The following PRKG2 variants were observed in gnomAD, a reference collection of about 807,000 sequenced individuals.
The protein encoded by PRKG2 is cGMP-dependent protein kinase 2.
PRKG2 carries 33 observed loss-of-function variants against 97.2 expected under a neutral mutation model. The observed-to-expected ratio is 0.34, with a 90% CI of 0.26 to 0.45. PRKG2 has a LOEUF of 0.45. Among genes scored for constraint, PRKG2 ranks in the 20% least tolerant of loss-of-function variants. The pLI is 1.00. For missense variants in PRKG2, 638 were observed against 900.0 expected, an observed-to-expected ratio of 0.71 and a Z score of 3.73; for synonymous variants, 330 against 321.8, an observed-to-expected ratio of 1.03 and a Z score of -0.27.
At chr4:81,197,565 T>C (rs1434376288) in intron 2 of PRKG2, among the ~76,000 whole-genome samples, 2 of 152,148 alleles carry the variant, frequency 1.3e-5, no homozygotes, top group African/African-American at 4.8e-5. Flanking sequence ...TAGCCACTAC[T>C]AGTGATAACC....
intron 14 of PRKG2, among the ~76,000 whole-genome samples, chr4:81,129,963 C>T (rs1746003083): frequency 6.6e-6 from 1 of 152,170 alleles, no homozygotes; most frequent in Admixed American, 6.5e-5. Context: ...TTTGCAGTGG[C>T]TGGTACCAGT....
In PRKG2 at chr4:81,108,493, T is replaced by A. The variant is rs573648461; in HGVS notation, c.1940+1955A>T. Among the ~76,000 whole-genome samples, 188 of 151,638 alleles carry A rather than the reference T, an allele frequency of 1.2e-3. 2 individuals are homozygous for A. The South Asian group carries it at 0.021, about 17-fold the overall frequency. On this transcript the variant is annotated intron_variant, in intron 15 of 18. Transcript: ENST00000264399. ...ACACTATTGGTTTTTTTTTTTTTTT[T>A]AATTTTCATTTCCCTCCTATGCTCT...
intron 10 of PRKG2, among the ~76,000 whole-genome samples, chr4:81,143,588 C>T (rs971175590): frequency 6.6e-6 from 1 of 152,018 alleles, no homozygotes; most frequent in South Asian, 2.1e-4. Flanking sequence ...AGGCCTTCAG[C>T]GTAAAAATTG....
At chr4:81,193,494 A>C (rs1233147773) in intron 2 of PRKG2, 10 of 152,206 alleles carry the variant, frequency 6.6e-5, no homozygotes. Context: ...CTATCACCAC[A>C]ATAAGTAGGC....
At chr4:81,128,590 T>G (rs1172610407) in intron 14 of PRKG2, among the ~76,000 whole-genome samples, 2 of 152,210 alleles carry the variant, frequency 1.3e-5, no homozygotes, top group Non-Finnish European at 1.5e-5. Flanking sequence ...ATTTATCCAC[T>G]GCTAGATTTT....
intron 2 of PRKG2, among the ~76,000 whole-genome samples, chr4:81,187,427 C>T (rs1361115763): frequency 6.6e-6 from 1 of 152,092 alleles, no homozygotes; most frequent in Non-Finnish European, 1.5e-5. Flanking sequence ...ATTCAACACC[C>T]CTATGTGCTA....
intron 17 of PRKG2, 77 bp from the exon 18 acceptor site, chr4:81,092,529 G>A (rs955239398): frequency 1.5e-5 from 12 of 795,060 alleles, no homozygotes; most frequent in Admixed American, 5.3e-5. Flanking sequence ...AGAAAGAGAC[G>A]ACAAAAAGGA....
At chr4:81,186,721 C>T (rs1323407945) in intron 2 of PRKG2, among the ~76,000 whole-genome samples, 3 of 152,034 alleles carry the variant, frequency 2.0e-5, no homozygotes, top group Non-Finnish European at 4.4e-5. Flanking sequence ...AATAGATAGA[C>T]CCCTAGCCAG....
At chr4:81,153,807 C>A in intron 6 of PRKG2, 86 bp from the exon 7 acceptor site, 1 of 914,906 alleles carries the variant, frequency 1.1e-6, no homozygotes, top group Non-Finnish European at 1.7e-6. Context: ...CAGCTCCCAG[C>A]GTGAGCGGCG....
chr4:81,190,667 A>T (rs1262034940), intron 2 of PRKG2, among the ~76,000 whole-genome samples: 2 of 152,206 alleles, frequency 1.3e-5, no homozygotes, highest in African/African-American at 4.8e-5. Flanking sequence ...AGAATGGGAG[A>T]AAAAGTTTGC....
intron 6 of PRKG2, chr4:81,154,059 C>G (rs1202066900): frequency 6.7e-6 from 1 of 149,196 alleles, no homozygotes; most frequent in Non-Finnish European, 1.2e-5. Flanking sequence ...GCTTTTGGGA[C>G]GGCCTTAAAA....
intron 14 of PRKG2, among the ~76,000 whole-genome samples, chr4:81,118,468 C>T (rs72663823): frequency 0.088 from 13,459 of 152,126 alleles, 724 homozygotes; most frequent in Middle Eastern, 0.2. Flanking sequence ...TTTGGTGTTG[C>T]CATTGTTCTA....
intron 9 of PRKG2, 128 bp from the exon 10 acceptor site, chr4:81,144,458 G>A (rs945126686): frequency 8.6e-6 from 6 of 698,470 alleles, no homozygotes; most frequent in African/African-American, 7.2e-5. Flanking sequence ...AATAATTTAT[G>A]AAATATTGAA....
chr4:81,161,059 C>G (rs983815569), intron 6 of PRKG2, among the ~76,000 whole-genome samples: 12 of 152,138 alleles, frequency 7.9e-5, no homozygotes, highest in Non-Finnish European at 1.3e-4. Context: ...AAATTCCAAA[C>G]TAAACTACTT....
At chr4:81,194,563 T>TGTAAATACA (rs1752824335) in intron 2 of PRKG2, among the ~76,000 whole-genome samples, 4 of 152,206 alleles carry the variant, frequency 2.6e-5, no homozygotes. Context: ...AATTTAATTC[T>TGTAAATACA]GTTGGCTGTT....
intron 17 of PRKG2, 92 bp downstream of exon 17, chr4:81,104,278 G>A: frequency 4.9e-6 from 4 of 815,488 alleles, no homozygotes; most frequent in South Asian, 2.2e-5. Context: ...GTCTGGAAAG[G>A]GACCTTTGTG....
chr4:81,097,521 A>C (rs1467651138), intron 17 of PRKG2, among the ~76,000 whole-genome samples: 1 of 152,150 alleles, frequency 6.6e-6, no homozygotes, highest in Admixed American at 6.6e-5. Flanking sequence ...TAAGAGAGTT[A>C]ATCTGTTCTT....
chr4:81,100,323 GC>G (rs1742604831), intron 17 of PRKG2, among the ~76,000 whole-genome samples: 1 of 152,070 alleles, frequency 6.6e-6, no homozygotes, highest in Non-Finnish European at 1.5e-5. Flanking sequence ...ATACTACAAG[GC>G]TACAGTAACA....
chr4:81,196,098 C>T (rs1055567328), intron 2 of PRKG2, among the ~76,000 whole-genome samples: 21 of 152,130 alleles, frequency 1.4e-4, no homozygotes, highest in South Asian at 8.3e-4. Flanking sequence ...GTGAGAGGGA[C>T]GCAAGGCAGG....
Sources: gnomAD v4.1 joint callset for allele counts (sites outside exome capture counted in the v4.1 genomes callset) on GRCh38, gnomAD v4.1.1 for gene constraint, MANE v1.5 for transcripts, NCBI Gene and HGNC (gene_info 2026-07-23, HGNC 2026-07-21) for gene names.